APP: variants seen among roughly 807,000 people sequenced by gnomAD.
The protein encoded by APP is amyloid beta precursor protein.
APP carries 31 observed loss-of-function variants against 101.4 expected under a neutral mutation model. That is an observed-to-expected ratio of 0.31 (90% confidence interval 0.23 to 0.41). The LOEUF is 0.41. Ranked by LOEUF, APP falls within the 10% of genes least tolerant of loss-of-function variation. The pLI is 1.00. For missense variants in APP, 839 were observed against 1,003.7 expected (o/e 0.84, Z 2.22); for synonymous variants, 366 against 364.4 (o/e 1.00, Z -0.05).
chr21:26,047,546 A>G (rs1166824756), intron 5 of APP, among the ~76,000 whole-genome samples: 1 of 152,234 alleles, frequency 6.6e-6, no homozygotes, highest in Non-Finnish European at 1.5e-5. Flanking sequence ...GGCTACAGGA[A>G]AAGAAGTTAA....
chr21:25,895,263 T>C (rs1194148521), intron 16 of APP, among the ~76,000 whole-genome samples: 1 of 151,946 alleles, frequency 6.6e-6, no homozygotes, highest in South Asian at 2.1e-4. Context: ...CCTCCTGGGA[T>C]CAAGAGATTC....
intron 3 of APP, among the ~76,000 whole-genome samples, chr21:26,076,784 C>G (rs910242912): frequency 5.9e-5 from 9 of 152,118 alleles, no homozygotes; most frequent in African/African-American, 2.2e-4. Context: ...AAATTTTAGG[C>G]TGGGCGCAGT....
chr21:25,938,458 A>T (rs1276411186), intron 13 of APP, among the ~76,000 whole-genome samples: 3 of 152,028 alleles, frequency 2.0e-5, no homozygotes, highest in Non-Finnish European at 4.4e-5. Context: ...AATGTCTGTC[A>T]TCCCATGTTC....
chr21:25,907,295 A>G (rs2829980), intron 14 of APP, among the ~76,000 whole-genome samples: 3,263 of 152,326 alleles, frequency 0.021, 106 homozygotes, highest in African/African-American at 0.074. Context: ...AGTATAAATT[A>G]ATGCTCAAAA....
chr21:25,892,643 C>T (rs1241580606), intron 16 of APP, among the ~76,000 whole-genome samples: 1 of 152,154 alleles, frequency 6.6e-6, no homozygotes, highest in Non-Finnish European at 1.5e-5. Context: ...TTGCTTTATT[C>T]TTGCTCTTTA....
At chr21:26,101,488 G>A (rs1219242555) in intron 2 of APP, among the ~76,000 whole-genome samples, 2 of 152,182 alleles carry the variant, frequency 1.3e-5, no homozygotes, top group Non-Finnish European at 2.9e-5. Context: ...ACACTTGCCT[G>A]TGTGTTTCTA....
chr21:25,883,313 G>A (rs1012772351), intron 17 of APP, among the ~76,000 whole-genome samples: 2 of 152,176 alleles, frequency 1.3e-5, no homozygotes, highest in Non-Finnish European at 2.9e-5. Context: ...GGAGGCAGGA[G>A]AATGGCTTGA....
At chr21:26,163,239 C>CAAAAA (rs58816061) in intron 1 of APP, among the ~76,000 whole-genome samples, 1 of 58,834 alleles carries the variant, frequency 1.7e-5, no homozygotes, top group Non-Finnish European at 3.2e-5. Context: ...AACTCAGTCT[C>CAAAAA]AAAAAAAAAA....
intron 2 of APP, among the ~76,000 whole-genome samples, chr21:26,108,489 T>C (rs937608974): frequency 2.0e-5 from 3 of 152,160 alleles, no homozygotes; most frequent in Non-Finnish European, 2.9e-5. Context: ...GGCTGCAGCA[T>C]GGCAGTCTCT....
chr21:25,888,703 A>T (rs2037500136), intron 17 of APP, among the ~76,000 whole-genome samples: 1 of 152,150 alleles, frequency 6.6e-6, no homozygotes, highest in Admixed American at 6.5e-5. Flanking sequence ...TAATGTCAGA[A>T]TCTGGGTCAA....
intron 6 of APP, among the ~76,000 whole-genome samples, chr21:26,005,127 T>C (rs1473258322): frequency 2.6e-5 from 4 of 152,032 alleles, no homozygotes; most frequent in Non-Finnish European, 5.9e-5. Context: ...AAAATGAATA[T>C]AGGAAGCCAG....
intron 17 of APP, among the ~76,000 whole-genome samples, chr21:25,882,809 G>C (rs2829967): frequency 0.11 from 17,282 of 152,100 alleles, 954 homozygotes; most frequent in South Asian, 0.13. Flanking sequence ...ATGTACCATA[G>C]AGAAGATATT....
At chr21:26,109,156 G>A (rs1419649911) in intron 2 of APP, among the ~76,000 whole-genome samples, 1 of 152,178 alleles carries the variant, frequency 6.6e-6, no homozygotes, top group Admixed American at 6.5e-5. Flanking sequence ...CCCACTCATG[G>A]TGGCCACCAA....
intron 6 of APP, among the ~76,000 whole-genome samples, chr21:26,008,387 G>A (rs1428425874): frequency 6.6e-6 from 1 of 152,202 alleles, no homozygotes; most frequent in Non-Finnish European, 1.5e-5. Context: ...TGCGTGGTTA[G>A]CGTGCAACAG....
intron 15 of APP, 134 bp downstream of exon 15, chr21:25,904,890 G>C: frequency 1.3e-6 from 1 of 763,708 alleles, no homozygotes; most frequent in South Asian, 1.5e-5. Flanking sequence ...TTAAAAGTTT[G>C]GTTTCTAAGG....
intron 16 of APP, among the ~76,000 whole-genome samples, chr21:25,896,568 A>G (rs1375546101): frequency 2.6e-5 from 4 of 152,184 alleles, no homozygotes; most frequent in African/African-American, 4.8e-5. Context: ...TACTGCACCT[A>G]CTGATAAGAT....
chr21:26,026,050 T>C (rs1251749343), intron 5 of APP, among the ~76,000 whole-genome samples: 1 of 152,248 alleles, frequency 6.6e-6, no homozygotes, highest in African/African-American at 2.4e-5. Flanking sequence ...GACAGACTGT[T>C]GTCCTGTGGA....
chr21:25,989,618 A>G (rs1192573258), intron 8 of APP, among the ~76,000 whole-genome samples: 1 of 152,206 alleles, frequency 6.6e-6, no homozygotes, highest in African/African-American at 2.4e-5. Context: ...AGATTCTAAC[A>G]AGAAAATTGG....
chr21:25,993,247 C>A (rs1429678199), intron 8 of APP, among the ~76,000 whole-genome samples: 1 of 151,914 alleles, frequency 6.6e-6, no homozygotes, highest in African/African-American at 2.4e-5. Context: ...TTTTTCCCTC[C>A]CTCAATCCTG....
Sources: allele counts gnomAD v4.1 joint callset (sites outside exome capture counted in the v4.1 genomes callset), GRCh38; gene constraint gnomAD v4.1.1; transcripts MANE v1.5; gene names NCBI Gene and HGNC (gene_info 2026-07-23, HGNC 2026-07-21).